Variants in RAB31 observed in about 807,000 individuals in gnomAD.
RAB31 encodes the protein ras-related protein Rab-31.
RAB31 carries 21 observed loss-of-function variants against 25.6 expected under a neutral mutation model. That is an observed-to-expected ratio of 0.82 (90% CI 0.58 to 1.18). RAB31 has a LOEUF of 1.18. Ranked by LOEUF, RAB31 falls within the 50% of genes most tolerant of loss-of-function variation. The pLI is 0.00. For synonymous variants in RAB31, 87 were observed against 84.0 expected (o/e 1.04, Z -0.20); for missense variants, 196 against 250.1 (o/e 0.78, Z 1.46).
At chr18:9,719,286 AAAAAAAAAAAAAATAT>A (rs2068060107) in intron 1 of RAB31, among the ~76,000 whole-genome samples, 1 of 66,780 alleles carries the variant, frequency 1.5e-5, no homozygotes, top group South Asian at 5.6e-4. Context: ...AAAAAAAAAA[AAAAAAAAAAAAAATAT>A]ATATATATAT....
intron 5 of RAB31, among the ~76,000 whole-genome samples, chr18:9,842,828 T>G (rs1040224587): frequency 6.6e-6 from 1 of 152,224 alleles, no homozygotes; most frequent in Non-Finnish European, 1.5e-5. Context: ...CACCTCTCAT[T>G]AGGCATGTCA....
rs148368642 is a variant in RAB31, at chr18:9,760,941, C to G, written c.40-14337C>G. ...ACAGGGAGCTGTTTTAATGGCTACTCAAAGCAACTCTGAAATGTCTATAAT... is the reference window on the plus strand; with the variant it reads ...ACAGGGAGCTGTTTTAATGGCTACTGAAAGCAACTCTGAAATGTCTATAAT... On this transcript the variant is annotated intron_variant, in intron 1 of 6. Transcript: ENST00000578921. Among the ~76,000 whole-genome samples the G allele has an allele frequency of 3.4e-3, 521 of 152,040 alleles. 1 individual carries two copies. The highest frequency in any genetic ancestry group is 5.4e-3 in the Non-Finnish European group (369 of 67,994).
chr18:9,856,943 G>T (rs2068819183), intron 6 of RAB31, among the ~76,000 whole-genome samples: 1 of 152,044 alleles, frequency 6.6e-6, no homozygotes. Flanking sequence ...ATCACTTAAG[G>T]TTGACCAAGT....
chr18:9,846,087 C>T (rs1047980923), intron 6 of RAB31, among the ~76,000 whole-genome samples: 19 of 152,152 alleles, frequency 1.2e-4, no homozygotes, highest in African/African-American at 4.6e-4. Context: ...CTTCCAGTAA[C>T]TTTTTTTGCC....
intron 2 of RAB31, among the ~76,000 whole-genome samples, chr18:9,776,922 T>G (rs903710488): frequency 6.6e-6 from 1 of 152,164 alleles, no homozygotes; most frequent in Admixed American, 6.5e-5. Context: ...AATCTGAAAC[T>G]TTTGAGTGCC....
chr18:9,807,164 G>C (rs915757930), intron 3 of RAB31, among the ~76,000 whole-genome samples: 1 of 152,230 alleles, frequency 6.6e-6, no homozygotes, highest in Non-Finnish European at 1.5e-5. Flanking sequence ...GCAAAGTGCA[G>C]AGTCTAGGGC....
chr18:9,718,866 C>A (rs1319306461), intron 1 of RAB31, among the ~76,000 whole-genome samples: 1 of 150,864 alleles, frequency 6.6e-6, no homozygotes, highest in Non-Finnish European at 1.5e-5. Context: ...ACCTAATCAC[C>A]TTCCAAAGGC....
intron 2 of RAB31, among the ~76,000 whole-genome samples, chr18:9,786,326 A>G (rs2068432712): frequency 6.6e-6 from 1 of 152,240 alleles, no homozygotes; most frequent in Non-Finnish European, 1.5e-5. Flanking sequence ...CCTTGCCCTA[A>G]GCGTCTCTTC....
At chr18:9,837,204 G>T (rs1292724431) in intron 5 of RAB31, among the ~76,000 whole-genome samples, 1 of 152,190 alleles carries the variant, frequency 6.6e-6, no homozygotes, top group Non-Finnish European at 1.5e-5. Context: ...TTGAGGAACG[G>T]TGTGAAATAC....
At chr18:9,738,147 C>T (rs888512837) in intron 1 of RAB31, among the ~76,000 whole-genome samples, 3 of 152,186 alleles carry the variant, frequency 2.0e-5, no homozygotes, top group East Asian at 1.9e-4. Context: ...ACTGCAAGAC[C>T]GGTGTGGCAG....
chr18:9,786,725 C>T (rs2068435203), intron 2 of RAB31: 1 of 151,984 alleles, frequency 6.6e-6, no homozygotes, highest in East Asian at 1.9e-4. Context: ...AGAGTTATCT[C>T]CTACACATCT....
chr18:9,822,431 G>A (rs79677868), intron 5 of RAB31, among the ~76,000 whole-genome samples: 76 of 152,164 alleles, frequency 5.0e-4, no homozygotes, highest in East Asian at 3.5e-3. Context: ...TTAAAAGCAC[G>A]ATTCATATAA....
At chr18:9,742,910 A>C (rs540817002) in intron 1 of RAB31, among the ~76,000 whole-genome samples, 2 of 152,346 alleles carry the variant, frequency 1.3e-5, no homozygotes, top group African/African-American at 4.8e-5. Flanking sequence ...TTTTAAAAAA[A>C]ATCCAGTCCA....
intron 1 of RAB31, among the ~76,000 whole-genome samples, chr18:9,746,183 TTTA>T (rs140049222): frequency 0.95 from 144,476 of 152,118 alleles, 68,686 homozygotes; most frequent in African/African-American, 0.98. Context: ...AAGAATAACA[TTTA>T]ACCAAATACA....
chr18:9,723,672 A>G (rs1374535350), intron 1 of RAB31: 1 of 152,248 alleles, frequency 6.6e-6, no homozygotes, highest in Admixed American at 6.5e-5. Flanking sequence ...CACTCATGGC[A>G]GAAAGTGGAA....
intron 5 of RAB31, among the ~76,000 whole-genome samples, chr18:9,843,366 G>A (rs775386532): frequency 2.6e-5 from 4 of 152,054 alleles, no homozygotes; most frequent in East Asian, 1.9e-4. Flanking sequence ...GCAACGTGGC[G>A]AAACCCCGTC....
chr18:9,776,804 G>C (rs1235419788), intron 2 of RAB31, among the ~76,000 whole-genome samples: 1 of 152,188 alleles, frequency 6.6e-6, no homozygotes, highest in Non-Finnish European at 1.5e-5. Context: ...ACATGGGGCA[G>C]TGAGCACATC....
chr18:9,779,651 G>A (rs1568177094), intron 2 of RAB31, among the ~76,000 whole-genome samples: 2 of 152,156 alleles, frequency 1.3e-5, no homozygotes, highest in African/African-American at 4.8e-5. Context: ...AAATTTATTA[G>A]TTCTTTATCT....
chr18:9,770,512 G>A (rs1599031560), intron 1 of RAB31, among the ~76,000 whole-genome samples: 2 of 152,176 alleles, frequency 1.3e-5, no homozygotes, highest in African/African-American at 4.8e-5. Flanking sequence ...ATAAGTGGTT[G>A]TTCTCAGAGA....
Sources: allele counts gnomAD v4.1 joint callset (sites outside exome capture counted in the v4.1 genomes callset), GRCh38; gene constraint gnomAD v4.1.1; transcripts MANE v1.5; gene names NCBI Gene and HGNC (gene_info 2026-07-23, HGNC 2026-07-21).